ALMS1: variants seen among roughly 807,000 people sequenced by gnomAD.
ALMS1 encodes the protein ALMS1 centrosome and basal body associated protein.
In ALMS1, 271 loss-of-function variants were observed where a neutral mutation model predicts 352.2. The ratio of observed to expected loss-of-function variants is 0.77; its 90% confidence interval spans 0.70 to 0.85. ALMS1 has a LOEUF of 0.85. Among genes scored for constraint, ALMS1 ranks in the 40% least tolerant of loss-of-function variants. The pLI is 0.00. For synonymous variants in ALMS1, 1,865 were observed against 1,761.2 expected, an observed-to-expected ratio of 1.06 and a Z score of -1.48; for missense variants, 5,445 against 4,870.7, an observed-to-expected ratio of 1.12 and a Z score of -3.51.
At chr2:73,486,304 G>A (rs146204825) in intron 9 of ALMS1, among the ~76,000 whole-genome samples, 1 of 152,216 alleles carries the variant, frequency 6.6e-6, no homozygotes, top group Non-Finnish European at 1.5e-5. Context: ...GGTAGGCTTC[G>A]CTAGACTTTC....
At chr2:73,602,154 C>T (rs772034998) in intron 19 of ALMS1, 31 bp from the exon 20 acceptor site, 21 of 1,597,078 alleles carry the variant, frequency 1.3e-5, no homozygotes, top group Admixed American at 6.9e-5. Flanking sequence ...TAATCTGAGG[C>T]TGGGCATTTT....
At chr2:73,504,235 C>T (rs1673274428) in intron 10 of ALMS1, among the ~76,000 whole-genome samples, 1 of 152,140 alleles carries the variant, frequency 6.6e-6, no homozygotes, top group Non-Finnish European at 1.5e-5. Flanking sequence ...ACTACAGACG[C>T]TAATCAGATT....
intron 7 of ALMS1, among the ~76,000 whole-genome samples, chr2:73,442,546 A>G (rs1263093480): frequency 1.3e-5 from 2 of 152,150 alleles, no homozygotes; most frequent in East Asian, 3.9e-4. Flanking sequence ...AGAGGGCACC[A>G]ATTTAATTTC....
At chr2:73,533,133 C>T (rs141727592) in intron 11 of ALMS1, among the ~76,000 whole-genome samples, 54 of 152,254 alleles carry the variant, frequency 3.5e-4, no homozygotes, top group South Asian at 3.5e-3. Context: ...TTCCGTCTTC[C>T]GAAGTGAAAG....
chr2:73,601,024 A>G (rs1675672890), intron 18 of ALMS1, 143 bp downstream of exon 18: 3 of 1,398,128 alleles, frequency 2.1e-6, no homozygotes, highest in East Asian at 2.4e-5. Context: ...AGAGTCCAGC[A>G]TGGCAGTTAC....
chr2:73,550,525 C>A, intron 13 of ALMS1, 88 bp downstream of exon 13: 1 of 1,533,052 alleles, frequency 6.5e-7, no homozygotes, highest in South Asian at 1.2e-5. Flanking sequence ...TCCTTTTTTT[C>A]TGTTTTGTTA....
chr2:73,522,185 A>G (rs1673695016), intron 11 of ALMS1, among the ~76,000 whole-genome samples: 1 of 152,194 alleles, frequency 6.6e-6, no homozygotes, highest in Admixed American at 6.5e-5. Flanking sequence ...TCTCAGGTCC[A>G]TCGCCATGTG....
chr2:73,603,401 C>T (rs891432745), intron 21 of ALMS1, 97 bp downstream of exon 21: 2 of 1,019,484 alleles, frequency 2.0e-6, no homozygotes, highest in African/African-American at 1.6e-5. Flanking sequence ...GTATTATACT[C>T]AAGTTTAAAC....
chr2:73,396,725 A>G (rs553149118), intron 1 of ALMS1, among the ~76,000 whole-genome samples: 19 of 150,958 alleles, frequency 1.3e-4, no homozygotes, highest in Non-Finnish European at 2.1e-4. Flanking sequence ...GCTCACTGCA[A>G]GCTCCGCCTC....
Position 73,402,583 on chromosome 2 carries a change from A to G in ALMS1, c.325-6039A>G, listed in dbSNP as rs1016174947. Among the ~76,000 whole-genome samples the G allele has an allele frequency of 2.6e-5, 4 of 152,110 alleles. No homozygotes were observed. The East Asian group carries it at 5.8e-4, about 22-fold the overall frequency. On this transcript the variant is annotated intron_variant, in intron 1 of 22. Coordinates refer to ENST00000613296, the MANE Select transcript of ALMS1 (RefSeq NM_001378454.1). ...TCGTAGTTCTATTTTTAATTACTTTAGAAAACTTTATACTGTTTTCCGCAA... is the reference window on the plus strand; with the variant it reads ...TCGTAGTTCTATTTTTAATTACTTTGGAAAACTTTATACTGTTTTCCGCAA...
At chr2:73,391,326 C>T (rs1670641220) in intron 1 of ALMS1, among the ~76,000 whole-genome samples, 1 of 120,182 alleles carries the variant, frequency 8.3e-6, no homozygotes, top group South Asian at 2.4e-4. Flanking sequence ...CGGAGTCTCG[C>T]TCTGTCACCC....
At chr2:73,466,850 A>G (rs988774457) in intron 9 of ALMS1, among the ~76,000 whole-genome samples, 5 of 152,208 alleles carry the variant, frequency 3.3e-5, no homozygotes, top group African/African-American at 7.2e-5. Flanking sequence ...ATATGACAAC[A>G]ATATCTTACA....
At chr2:73,544,118 A>C (rs1019873095) in intron 12 of ALMS1, among the ~76,000 whole-genome samples, 5 of 152,224 alleles carry the variant, frequency 3.3e-5, no homozygotes, top group Admixed American at 6.5e-5. Flanking sequence ...AACCAACCCA[A>C]ATGTCCAAGA....
At position 73,448,997 on chromosome 2, in the gene ALMS1, G is replaced by A. The variant is rs1344053446; in HGVS notation, c.2470G>A (p.Ala824Thr). The change falls in exon 8 of 23, where the codon GCC becomes ACC. Residue 824 changes from alanine to threonine, a missense_variant. Coordinates refer to ENST00000613296, the MANE Select transcript of ALMS1 (RefSeq NM_001378454.1). ...GAAGCTCCTTGTTTTCTACCAACAG[G>A]CCTTGCTGGACAGCCATCTACCCGA... ...REKLLVFYQQ[A>T]LLDSHLPEEA... 1 of 1,613,354 alleles carries A rather than the reference G, an allele frequency of 6.2e-7. No homozygotes were observed. The highest frequency in any genetic ancestry group is 8.5e-7 in the Non-Finnish European group (1 of 1,179,848).
At chr2:73,472,072 A>G (rs1222785004) in intron 9 of ALMS1, among the ~76,000 whole-genome samples, 8 of 152,068 alleles carry the variant, frequency 5.3e-5, no homozygotes, top group Non-Finnish European at 1.2e-4. Flanking sequence ...ACATTACACT[A>G]TGTGAAAGAA....
At chr2:73,588,203 G>A (rs559649876) in intron 16 of ALMS1, among the ~76,000 whole-genome samples, 4 of 152,212 alleles carry the variant, frequency 2.6e-5, no homozygotes, top group African/African-American at 7.2e-5. Flanking sequence ...ACCAGGAAGG[G>A]ACATAACAAA....
chr2:73,540,615 T>C (rs1328023601), intron 12 of ALMS1, among the ~76,000 whole-genome samples: 1 of 152,130 alleles, frequency 6.6e-6, no homozygotes, highest in East Asian at 1.9e-4. Flanking sequence ...CCGTGTGCTG[T>C]ATTCAGGAAA....
Position 73,437,379 on chromosome 2 carries a change from C to G in ALMS1, c.1432+5088C>G, listed in dbSNP as rs145960643. Among the ~76,000 whole-genome samples the G allele has an allele frequency of 4.6e-5, 7 of 152,318 alleles. No homozygotes were observed. In the East Asian group the frequency reaches 1.4e-3, roughly 29 times the overall value. On this transcript the variant is annotated intron_variant, in intron 7 of 22. Coordinates refer to ENST00000613296, the MANE Select transcript of ALMS1 (RefSeq NM_001378454.1). ...CTGGAGTGGACCCTCACTCCACCTA[C>G]AAGTGAGCTGGGGGTAGGGATGATT...
intron 9 of ALMS1, among the ~76,000 whole-genome samples, chr2:73,482,459 GTGC>G (rs1672731554): frequency 6.6e-6 from 1 of 152,214 alleles, no homozygotes; most frequent in South Asian, 2.1e-4. Flanking sequence ...GCTTTTCGGT[GTGC>G]TGCTGGATTC....
Sources: allele counts gnomAD v4.1 joint callset (sites outside exome capture counted in the v4.1 genomes callset), GRCh38; gene constraint gnomAD v4.1.1; transcripts MANE v1.5; gene names NCBI Gene and HGNC (gene_info 2026-07-23, HGNC 2026-07-21).